NPAS2: variants seen among roughly 807,000 people sequenced by gnomAD.
NPAS2 encodes the protein neuronal PAS domain protein 2, also known as neuronal PAS domain-containing protein 2.
In NPAS2, 23 loss-of-function variants were observed where a neutral mutation model predicts 107.5. The observed-to-expected ratio is 0.21, with a 90% CI of 0.15 to 0.30. NPAS2 has a LOEUF of 0.30. NPAS2 is among the 10% of genes least tolerant of loss of function. The pLI, the probability that NPAS2 is intolerant of heterozygous loss-of-function variation, is 1.00. For missense variants in NPAS2, 756 were observed against 1,043.3 expected (o/e 0.72, Z 3.79); for synonymous variants, 403 against 417.5 (o/e 0.97, Z 0.42).
chr2:100,991,836 G>A (rs1678153569), intron 19 of NPAS2, among the ~76,000 whole-genome samples: 1 of 152,232 alleles, frequency 6.6e-6, no homozygotes, highest in African/African-American at 2.4e-5. Flanking sequence ...AGATGGTGGG[G>A]CTGGAGGCCA....
intron 1 of NPAS2, among the ~76,000 whole-genome samples, chr2:100,877,548 T>C (rs1680057283): frequency 6.6e-6 from 1 of 152,064 alleles, no homozygotes; most frequent in South Asian, 2.1e-4. Flanking sequence ...CATGCAAGCA[T>C]TGGCCAAGCA....
In NPAS2 at chr2:100,893,612, C is replaced by T. The variant is rs575997828; in HGVS notation, c.-22-11121C>T. On this transcript the variant is annotated intron_variant, in intron 1 of 20. Coordinates refer to ENST00000335681, the MANE Select transcript of NPAS2 (RefSeq NM_002518.4). ...TGATGATACAAAGTGACCCACTGGGCCTATAAAGACTTTACAAAAAATTCT... is the reference window on the plus strand; with the variant it reads ...TGATGATACAAAGTGACCCACTGGGTCTATAAAGACTTTACAAAAAATTCT... Among the ~76,000 whole-genome samples, 67 of 152,266 alleles carry T rather than the reference C, an allele frequency of 4.4e-4. 3 individuals carry two copies. The South Asian group carries it at 0.012, about 28-fold the overall frequency.
At chr2:100,957,466 AAAC>A (rs1227294576) in intron 7 of NPAS2, among the ~76,000 whole-genome samples, 4 of 152,262 alleles carry the variant, frequency 2.6e-5, no homozygotes, top group Non-Finnish European at 4.4e-5. Context: ...CAGATACTTT[AAAC>A]AACAACAACA....
chr2:100,841,179 A>G (rs995122666), intron 1 of NPAS2, among the ~76,000 whole-genome samples: 3 of 152,228 alleles, frequency 2.0e-5, no homozygotes, highest in Non-Finnish European at 4.4e-5. Flanking sequence ...TCACACCTGT[A>G]ATCCTAGCAC....
chr2:100,828,963 C>G (rs947621636), intron 1 of NPAS2, among the ~76,000 whole-genome samples: 3 of 152,148 alleles, frequency 2.0e-5, no homozygotes, highest in African/African-American at 7.2e-5. Context: ...AGGAATAGCA[C>G]TGAATCTGTA....
chr2:100,909,820 C>T (rs756896760), intron 2 of NPAS2, among the ~76,000 whole-genome samples: 3 of 151,900 alleles, frequency 2.0e-5, no homozygotes, highest in Admixed American at 6.6e-5. Flanking sequence ...GTGTATATTA[C>T]CTTGTAATTT....
chr2:100,904,349 G>A (rs1039249814), intron 1 of NPAS2, among the ~76,000 whole-genome samples: 5 of 152,150 alleles, frequency 3.3e-5, no homozygotes, highest in Non-Finnish European at 7.3e-5. Flanking sequence ...AGACCCTTGG[G>A]GTCCTTGAGG....
Position 100,974,892 on chromosome 2 carries a change from G to A in NPAS2, c.1230G>A (p.Ala410=), listed in dbSNP as rs772414012. 27 of 1,614,036 alleles carry A rather than the reference G, an allele frequency of 1.7e-5. No homozygotes were observed. Among genetic ancestry groups the A allele is most frequent in the Admixed American group, 5.0e-5 (3 of 60,012 alleles). ...TTAATACCAGTCATTCGCCATCGGCGTCCTCAAGAAGTTCCCACAAATCCT... is the reference window on the plus strand; with the variant it reads ...TTAATACCAGTCATTCGCCATCGGCATCCTCAAGAAGTTCCCACAAATCCT... ...SGLNTSHSPS[A]SSRSSHKSSH... is the part of the protein sequence containing the mutation. Residue 410 remains alanine (A), a synonymous_variant, in exon 13 of 21, where the codon GCG becomes GCA. Coordinates refer to ENST00000335681, the MANE Select transcript of NPAS2 (RefSeq NM_002518.4).
At chr2:100,993,259 T>C (rs1010152535) in intron 19 of NPAS2, 88 bp from the exon 20 acceptor site, 15 of 1,319,518 alleles carry the variant, frequency 1.1e-5, no homozygotes, top group East Asian at 2.5e-5. Context: ...GTCCAACTTA[T>C]TTGTTTTTTC....
At chr2:100,985,114 C>T (rs997610882) in intron 16 of NPAS2, 1 of 152,254 alleles carries the variant, frequency 6.6e-6, no homozygotes, top group Non-Finnish European at 1.5e-5. Context: ...TCAACTGGTT[C>T]ATCCATCCAT....
At chr2:100,824,826 C>T (rs1001934798) in intron 1 of NPAS2, among the ~76,000 whole-genome samples, 3 of 152,182 alleles carry the variant, frequency 2.0e-5, no homozygotes, top group Non-Finnish European at 4.4e-5. Flanking sequence ...TTGCCTTCCA[C>T]GCTCCCTGAA....
At chr2:100,941,165 G>A (rs1220607831) in intron 5 of NPAS2, among the ~76,000 whole-genome samples, 1 of 152,230 alleles carries the variant, frequency 6.6e-6, no homozygotes, top group Non-Finnish European at 1.5e-5. Context: ...AGAAGCTCAT[G>A]TGATAGATTT....
In NPAS2 at chr2:100,940,185, C is replaced by T. The variant is rs542332344; in HGVS notation, c.363+2343C>T. Among the ~76,000 whole-genome samples the T allele has an allele frequency of 2.6e-5, 4 of 152,322 alleles. No homozygotes were observed. The South Asian group carries it at 8.3e-4, about 32-fold the overall frequency. On this transcript the variant is annotated intron_variant, in intron 5 of 20. Coordinates refer to ENST00000335681, the MANE Select transcript of NPAS2 (RefSeq NM_002518.4). ...CAGAGGAGCGGATCTGGGAGTCAGA[C>T]CTCTATGACTTCCACTATGGGGAGG...
At chr2:100,886,885 C>T (rs764638620) in intron 1 of NPAS2, among the ~76,000 whole-genome samples, 5 of 152,182 alleles carry the variant, frequency 3.3e-5, no homozygotes, top group Non-Finnish European at 5.9e-5. Flanking sequence ...AGGTCGTTTC[C>T]TGGAAGAGGT....
intron 7 of NPAS2, among the ~76,000 whole-genome samples, chr2:100,959,182 A>G (rs2105120270): frequency 6.6e-6 from 1 of 151,216 alleles, no homozygotes; most frequent in East Asian, 2.0e-4. Context: ...AGGTGGGAGG[A>G]TCAGTTGAGC....
intron 1 of NPAS2, among the ~76,000 whole-genome samples, chr2:100,900,713 C>A (rs1416056250): frequency 6.6e-6 from 1 of 152,116 alleles, no homozygotes; most frequent in Non-Finnish European, 1.5e-5. Flanking sequence ...TTAATAAATA[C>A]CTTGAGAGAG....
intron 1 of NPAS2, among the ~76,000 whole-genome samples, chr2:100,852,161 T>C (rs190388732): frequency 0.15 from 22,592 of 151,524 alleles, 2,017 homozygotes; most frequent in South Asian, 0.24. Flanking sequence ...CTTTGGGAGG[T>C]CAAGGCGGGC....
In NPAS2 at chr2:100,975,619, G is replaced by A. The variant is rs768470094; in HGVS notation, c.1392+52G>A. ...ACGGGTGTACGCTACAATGTGGTGG[G>A]GGCTGCAGAGCCAGGCGATGTGCTG... On this transcript the variant is annotated intron_variant, in intron 14 of 20. Transcript: ENST00000335681. The A allele has an allele frequency of 4.5e-6, 6 of 1,342,400 alleles. No homozygotes were observed. The East Asian group carries it at 7.7e-5, about 17-fold the overall frequency. 83.2% of individuals were successfully genotyped at this position (1,342,400 alleles called of 1,614,324 possible). A position where few individuals can be genotyped will look rare whatever the true frequency, so the allele number is the denominator to read the frequency against.
chr2:100,975,276 G>A (rs151301881), intron 13 of NPAS2, 182 bp from the exon 14 acceptor site: 6 of 631,314 alleles, frequency 9.5e-6, no homozygotes, highest in African/African-American at 9.2e-5. Context: ...TGTTTGTGGT[G>A]TCTCCTACCT....
Sources: allele counts gnomAD v4.1 joint callset (sites outside exome capture counted in the v4.1 genomes callset), GRCh38; gene constraint gnomAD v4.1.1; transcripts MANE v1.5; gene names NCBI Gene and HGNC (gene_info 2026-07-23, HGNC 2026-07-21).